The following ORC1 variants were observed in gnomAD, a reference collection of about 807,000 sequenced individuals.
ORC1 encodes origin recognition complex, subunit 1 homolog.
ORC1 carries 61 observed loss-of-function variants against 98.9 expected under a neutral mutation model. The observed-to-expected ratio is 0.62, with a 90% confidence interval of 0.50 to 0.76. The LOEUF (loss-of-function observed/expected upper bound fraction) is 0.76, where lower values mean the gene tolerates loss of function less well. Among genes scored for constraint, ORC1 ranks in the 30% least tolerant of loss-of-function variants. ORC1 has a pLI of 0.00. For missense variants in ORC1, 979 were observed against 1,072.2 expected (o/e 0.91, Z 1.21); for synonymous variants, 385 against 406.9 (o/e 0.95, Z 0.65).
chr1:52,374,560 T>C (rs1252332030), intron 16 of ORC1, among the ~76,000 whole-genome samples: 3 of 152,218 alleles, frequency 2.0e-5, no homozygotes, highest in Non-Finnish European at 4.4e-5. Context: ...GGGAGTAACT[T>C]TGTCTTGTTC....
chr1:52,397,735 GGT>G lies in ORC1; in HGVS notation c.350_351del (p.Tyr117SerfsTer4). ...GCATTAATGTTGCTGTCACAGGCCGGGTAATCATACCAGAATATTTCCTGTGC... is the reference window on the plus strand; with the variant it reads ...GCATTAATGTTGCTGTCACAGGCCGGAATCATACCAGAATATTTCCTGTGC... ...PGAQEIFWYD[Y>X]PACDSNINAE... On this transcript the variant is annotated frameshift_variant, in exon 4 of 17. Transcript: ENST00000371568. LOFTEE classifies it high-confidence loss of function. The G allele has an allele frequency of 1.2e-6, 2 of 1,614,188 alleles. No homozygotes were observed. The highest frequency in any genetic ancestry group is 1.7e-6 in the Non-Finnish European group (2 of 1,180,022).
chr1:52,384,497 C>T, intron 11 of ORC1, 53 bp downstream of exon 11: 1 of 1,509,448 alleles, frequency 6.6e-7, no homozygotes, highest in Non-Finnish European at 9.2e-7. Context: ...TTTCCTTTTT[C>T]ATGTGTCACG....
Position 52,401,493 on chromosome 1 carries a change from G to C in ORC1, c.96-4C>G. 6.2e-7 allele frequency: 1 copy of C among 1,613,750 alleles called. No homozygotes were observed. ...TTCTGTTTTCACACACATTTCTCTA[G>C]GAAGTAACAGAGAAGCACATTAGGA... On this transcript the variant is annotated splice_region_variant and splice_polypyrimidine_tract_variant and intron_variant, in intron 2 of 16. Coordinates refer to ENST00000371568, the MANE Select transcript of ORC1 (RefSeq NM_004153.4).
chr1:52,407,434 A>G (rs1648029148), upstream of ORC1, among the ~76,000 whole-genome samples: 1 of 152,118 alleles, frequency 6.6e-6, no homozygotes, highest in Non-Finnish European at 1.5e-5. Context: ...ATACCAAGCC[A>G]TAAATTAGGT....
chr1:52,381,039 T>TTTTC (rs751846480), intron 14 of ORC1, among the ~76,000 whole-genome samples: 66 of 152,266 alleles, frequency 4.3e-4, no homozygotes, highest in African/African-American at 1.5e-3. Flanking sequence ...GATGTACGGT[T>TTTTC]TTTCTTTCTT....
Position 52,381,698 on chromosome 1 carries a change from G to T in ORC1, c.2077C>A (p.Arg693=), listed in dbSNP as rs759043194. 1 of 1,613,246 alleles carries T rather than the reference G, an allele frequency of 6.2e-7. No homozygotes were observed. Among genetic ancestry groups the T allele is most frequent in the Non-Finnish European group, 8.5e-7 (1 of 1,179,724 alleles). ...TCAAAGGCCTTTAGATGCTTGAGCC[G>T]GGACCTTAGGATCTGCTGCAGCTGG... ...YSQLQQILRS[R]LKHLKAFEDD... The change falls in exon 14 of 17, where the codon CGG becomes AGG. Residue 693 remains arginine, a synonymous_variant. Transcript: ENST00000371568.
rs1051698140 is a variant in ORC1 at position 52,383,953 on chromosome 1, C to A, written c.1756-16G>T. 6.2e-7 allele frequency: 1 copy of A among 1,607,328 alleles called. No homozygotes were observed. Among genetic ancestry groups the A allele is most frequent in the Non-Finnish European group, 8.5e-7 (1 of 1,173,760 alleles). ...CTGTTAGCTTCTGCATTAGGAGAAA[C>A]ACAGTTGTGAGGAACTGTAAGGGTC... On this transcript the variant is annotated splice_polypyrimidine_tract_variant and intron_variant, in intron 11 of 16. Coordinates refer to ENST00000371568, the MANE Select transcript of ORC1 (RefSeq NM_004153.4).
chr1:52,384,822 A>G, intron 10 of ORC1, 101 bp from the exon 11 acceptor site: 1 of 1,096,228 alleles, frequency 9.1e-7, no homozygotes, highest in South Asian at 1.3e-5. Flanking sequence ...AAGGACCGAG[A>G]CCCTTGAAAT....
rs765041447 is a variant in ORC1 at position 52,385,246 on chromosome 1, C to T, written c.1498G>A (p.Val500Ile). 6.2e-7 allele frequency: 1 copy of T among 1,612,826 alleles called. No individual in the cohort carries two copies. The change falls in exon 10 of 17, where the codon GTA (valine) becomes ATA (isoleucine). Residue 500 changes from valine (V) to isoleucine (I), a missense_variant. Coordinates refer to ENST00000371568, the MANE Select transcript of ORC1 (RefSeq NM_004153.4). ...TCCCGACAGGGAAGAGACTCAGGTA[C>T]AGCAGAAACATGCAGCCTACCATTG... Reference protein sequence around the residue: ...EARLRLHVSAVPESLPCREQE... With the variant: ...EARLRLHVSAIPESLPCREQE...
At chr1:52,406,247 C>CTCCCCCCCTGGGTAA (rs1339102970), upstream of ORC1, among the ~76,000 whole-genome samples, 3 of 152,194 alleles carry the variant, frequency 2.0e-5, no homozygotes, top group African/African-American at 7.2e-5. Flanking sequence ...CCCCCCGGGC[C>CTCCCCCCCTGGGTAA]TCCCAGAGTG....
chr1:52,405,931 C>T, upstream of ORC1: 1 of 1,052,896 alleles, frequency 9.5e-7, no homozygotes, highest in Non-Finnish European at 1.4e-6. Context: ...CAATGTATCT[C>T]ATTTCTAGAG....
In ORC1 at chr1:52,375,425, C is replaced by T; in HGVS notation, c.2303+5G>A. 6.2e-7 allele frequency: 1 copy of T among 1,614,104 alleles called. No homozygotes were observed. Among genetic ancestry groups the T allele is most frequent in the Non-Finnish European group, 8.5e-7 (1 of 1,179,962 alleles). ...CAGGAAGGCTCAGGAAGTGGAGCAT[C>T]TTACTTGATGGCCGTGATGTATGAT... On this transcript the variant is annotated splice_donor_5th_base_variant and intron_variant, in intron 15 of 16. Coordinates refer to ENST00000371568, the MANE Select transcript of ORC1 (RefSeq NM_004153.4).
chr1:52,391,496 A>G (rs1002700374), intron 6 of ORC1, among the ~76,000 whole-genome samples: 1 of 152,236 alleles, frequency 6.6e-6, no homozygotes, highest in Non-Finnish European at 1.5e-5. Flanking sequence ...GACAACCCAC[A>G]GAGTGGGAGA....
Position 52,385,979 on chromosome 1 carries a change from A to G in ORC1, c.1384-30T>C, listed in dbSNP as rs748446407. ...ATTGAAAACAAAGAACATATTTCAC[A>G]AGGAAAAAGCAAAACACCATCCAGG... On this transcript the variant is annotated intron_variant, in intron 8 of 16. Coordinates refer to ENST00000371568, the MANE Select transcript of ORC1 (RefSeq NM_004153.4). 66 of 1,551,018 alleles carry G rather than the reference A, an allele frequency of 4.3e-5. No individual in the cohort carries two copies. In the Admixed American group the frequency reaches 1.1e-3, roughly 25 times the overall value.
intron 5 of ORC1, among the ~76,000 whole-genome samples, chr1:52,394,913 G>A (rs1187568635): frequency 6.6e-6 from 1 of 152,222 alleles, no homozygotes; most frequent in Non-Finnish European, 1.5e-5. Context: ...GCCTCCAAAA[G>A]TGTTGGGACT....
intron 13 of ORC1, among the ~76,000 whole-genome samples, chr1:52,382,206 C>T (rs1647080229): frequency 6.6e-6 from 1 of 152,144 alleles, no homozygotes; most frequent in African/African-American, 2.4e-5. Context: ...GTCTCGATCT[C>T]CTGACCTCGG....
intron 11 of ORC1, among the ~76,000 whole-genome samples, chr1:52,384,301 C>A (rs985047904): frequency 6.6e-6 from 1 of 152,198 alleles, no homozygotes; most frequent in African/African-American, 2.4e-5. Flanking sequence ...CACACTGCTA[C>A]CTGTAAGCTC....
chr1:52,385,356 G>T, intron 9 of ORC1, 94 bp from the exon 10 acceptor site: 1 of 892,222 alleles, frequency 1.1e-6, no homozygotes, highest in East Asian at 2.4e-5. Flanking sequence ...ATGGTTTCTT[G>T]TCTATGTTTC....
At chr1:52,398,261 G>A (rs1291380473) in intron 3 of ORC1, among the ~76,000 whole-genome samples, 1 of 141,766 alleles carries the variant, frequency 7.1e-6, no homozygotes, top group Non-Finnish European at 1.5e-5. Flanking sequence ...ACCACCTCCC[G>A]CCAAAATTTT....
Sources: allele counts gnomAD v4.1 joint callset (sites outside exome capture counted in the v4.1 genomes callset), GRCh38; gene constraint gnomAD v4.1.1; transcripts MANE v1.5; gene names NCBI Gene and HGNC (gene_info 2026-07-23, HGNC 2026-07-21).